Variants in TTC3 observed in about 807,000 individuals in gnomAD.
The protein encoded by TTC3 is E3 ubiquitin-protein ligase TTC3.
A neutral mutation model predicts 249.6 loss-of-function variants in TTC3; 180 were observed. The observed-to-expected ratio is 0.72, with a 90% CI of 0.64 to 0.82. The LOEUF (loss-of-function observed/expected upper bound fraction) is 0.82. Ranked by LOEUF, TTC3 falls within the 40% of genes least tolerant of loss-of-function variation. The pLI, the probability that TTC3 is intolerant of heterozygous loss-of-function variation, is 0.00. For missense variants in TTC3, 2,061 were observed against 2,398.4 expected (o/e 0.86, Z 2.94); for synonymous variants, 717 against 805.0 (o/e 0.89, Z 1.85).
At chr21:37,085,049 G>A (rs1019018226) in intron 1 of TTC3, among the ~76,000 whole-genome samples, 2 of 151,998 alleles carry the variant, frequency 1.3e-5, no homozygotes, top group Admixed American at 6.5e-5. Flanking sequence ...CCCCAGTGTC[G>A]TAATTACAGT....
chr21:37,087,915 A>G, intron 3 of TTC3, 40 bp downstream of exon 3: 1 of 1,481,742 alleles, frequency 6.7e-7, no homozygotes, highest in East Asian at 2.3e-5. Flanking sequence ...TTATGGAAAG[A>G]CTACAAAGGG....
chr21:37,130,594 A>C (rs986612114), intron 16 of TTC3, among the ~76,000 whole-genome samples: 12 of 152,258 alleles, frequency 7.9e-5, no homozygotes, highest in African/African-American at 2.9e-4. Context: ...TATTATTAGA[A>C]TGACTCTGGC....
intron 18 of TTC3, 96 bp from the exon 19 acceptor site, chr21:37,138,538 T>G: frequency 2.8e-6 from 2 of 718,016 alleles, no homozygotes; most frequent in South Asian, 2.1e-5. Flanking sequence ...TAAGATTGAT[T>G]AGTGAGATTC....
intron 35 of TTC3, among the ~76,000 whole-genome samples, chr21:37,178,576 A>T (rs1226153941): frequency 1.3e-5 from 2 of 152,178 alleles, no homozygotes; most frequent in Non-Finnish European, 2.9e-5. Context: ...TCATATGCTT[A>T]TTAGCCATTT....
At chr21:37,183,010 C>G in intron 36 of TTC3, 97 bp downstream of exon 36, 1 of 1,060,878 alleles carries the variant, frequency 9.4e-7, no homozygotes, top group Non-Finnish European at 1.3e-6. Context: ...TAAACTACAT[C>G]AAGTAAAGTA....
intron 11 of TTC3, among the ~76,000 whole-genome samples, chr21:37,121,520 T>C (rs1210128475): frequency 6.6e-6 from 1 of 152,252 alleles, no homozygotes; most frequent in Non-Finnish European, 1.5e-5. Flanking sequence ...ATTATTATAT[T>C]CTCTGTTAGC....
At chr21:37,128,075 C>T (rs1184001696) in intron 15 of TTC3, among the ~76,000 whole-genome samples, 6 of 152,124 alleles carry the variant, frequency 3.9e-5, no homozygotes, top group Non-Finnish European at 8.8e-5. Context: ...TAGTTTTGTC[C>T]AAGGTCACAG....
intron 39 of TTC3, among the ~76,000 whole-genome samples, chr21:37,189,871 G>T (rs556008067): frequency 1.2e-3 from 159 of 132,438 alleles, no homozygotes; most frequent in Non-Finnish European, 1.7e-3. Flanking sequence ...CACCACGCCG[G>T]CCGGCCTTGT....
chr21:37,098,898 AGG>A (rs1478444997), intron 10 of TTC3: 1 of 152,120 alleles, frequency 6.6e-6, no homozygotes, highest in African/African-American at 2.4e-5. Flanking sequence ...TCCCAAGCAG[AGG>A]GATGCTGGAT....
chr21:37,102,346 C>A (rs943888671), intron 10 of TTC3, among the ~76,000 whole-genome samples: 3 of 152,076 alleles, frequency 2.0e-5, no homozygotes, highest in Non-Finnish European at 4.4e-5. Context: ...AAAGGAATAT[C>A]CCTTATATGG....
chr21:37,110,768 T>C (rs951142853), intron 11 of TTC3, among the ~76,000 whole-genome samples: 2 of 151,808 alleles, frequency 1.3e-5, no homozygotes, highest in African/African-American at 4.8e-5. Flanking sequence ...TTCACCAAAG[T>C]TGAAATGAAG....
At chr21:37,169,374 C>T (rs1442269396) in intron 34 of TTC3, among the ~76,000 whole-genome samples, 3 of 152,082 alleles carry the variant, frequency 2.0e-5, no homozygotes, top group East Asian at 3.8e-4. Context: ...GTTGAAACCC[C>T]GTCTCTACTA....
intron 22 of TTC3, among the ~76,000 whole-genome samples, chr21:37,148,220 T>A (rs1294177502): frequency 6.6e-6 from 1 of 152,168 alleles, no homozygotes; most frequent in Non-Finnish European, 1.5e-5. Flanking sequence ...CTCATAAAAT[T>A]TGAGTCCCAA....
intron 34 of TTC3, among the ~76,000 whole-genome samples, chr21:37,168,075 G>A (rs1038115836): frequency 1.6e-4 from 24 of 151,964 alleles, no homozygotes; most frequent in African/African-American, 4.8e-4. Flanking sequence ...AATTTAGTTC[G>A]TTAATATGCA....
chr21:37,075,864 T>A (rs2070768570), intron 1 of TTC3, among the ~76,000 whole-genome samples: 1 of 152,212 alleles, frequency 6.6e-6, no homozygotes, highest in Non-Finnish European at 1.5e-5. Context: ...GTGAGGTGAT[T>A]TAATTAAAAG....
At chr21:37,196,109 TG>T in intron 42 of TTC3, 73 bp downstream of exon 42, 8 of 1,558,728 alleles carry the variant, frequency 5.1e-6, no homozygotes, top group Non-Finnish European at 6.9e-6. Flanking sequence ...GATAAAATCA[TG>T]GCTAGTTAGG....
intron 8 of TTC3, 53 bp from the exon 9 acceptor site, chr21:37,095,297 C>G: frequency 1.6e-6 from 2 of 1,215,388 alleles, no homozygotes; most frequent in East Asian, 4.7e-5. Context: ...GTATTGGGTT[C>G]TTGATGATTT....
intron 6 of TTC3, chr21:37,090,593 T>C: frequency 1.1e-6 from 1 of 924,398 alleles, no homozygotes; most frequent in African/African-American, 1.8e-5. Flanking sequence ...GCCTCTGGTA[T>C]GAATATTTTT....
In TTC3 at chr21:37,079,555, A is replaced by G. The variant is rs1601210303; in HGVS notation, c.-12+6191A>G. Among the ~76,000 whole-genome samples the G allele has an allele frequency of 3.6e-5, 4 of 112,396 alleles. No individual in the cohort carries two copies. In the South Asian group the frequency reaches 1.2e-3, roughly 34 times the overall value. 73.7% of individuals were successfully genotyped at this position (112,396 alleles called of 152,430 possible). Reference sequence around the variant, plus strand: ...TTTTTTTTTTTTTTTTTTTTTTAAGATAGAGTCTCCCTCTGTTGCCCAGGC... The same window carrying G: ...TTTTTTTTTTTTTTTTTTTTTTAAGGTAGAGTCTCCCTCTGTTGCCCAGGC... On this transcript the variant is annotated intron_variant, in intron 1 of 45. Coordinates refer to ENST00000355666, the Ensembl canonical transcript of TTC3.
Sources: allele counts gnomAD v4.1 joint callset (sites outside exome capture counted in the v4.1 genomes callset), GRCh38; gene constraint gnomAD v4.1.1; transcripts MANE v1.5; gene names NCBI Gene and HGNC (gene_info 2026-07-23, HGNC 2026-07-21).